The following SPTBN5 variants were observed in gnomAD, a reference collection of about 807,000 sequenced individuals.
The protein encoded by SPTBN5 is spectrin beta chain, non-erythrocytic 5.
In SPTBN5, 513 loss-of-function variants were observed where a neutral mutation model predicts 477.6. That is an observed-to-expected ratio of 1.07 (90% CI 1.00 to 1.16). SPTBN5 has a LOEUF of 1.16. SPTBN5 is among the 50% of genes most tolerant of loss of function. The pLI, the probability that SPTBN5 is intolerant of heterozygous loss-of-function variation, is 0.00. For synonymous variants in SPTBN5, 2,169 were observed against 2,011.7 expected, an observed-to-expected ratio of 1.08 and a Z score of -2.09; for missense variants, 5,062 against 4,731.8, an observed-to-expected ratio of 1.07 and a Z score of -2.05.
chr15:41,878,460 C>A lies in SPTBN5; in HGVS notation c.3352G>T (p.Ala1118Ser). The A allele has an allele frequency of 6.2e-7, 1 of 1,613,630 alleles. No homozygotes were observed. The highest frequency in any genetic ancestry group is 8.5e-7 in the Non-Finnish European group (1 of 1,179,878). Residue 1118 changes from alanine to serine, a missense_variant, in exon 17 of 68, where the codon GCA (alanine) becomes TCA (serine). By Grantham distance (99) the Ala-to-Ser change is moderately conservative (BLOSUM62 1). Coordinates refer to ENST00000320955, the MANE Select transcript of SPTBN5 (RefSeq NM_016642.4). ...CGCAGCTGAGCCTGGACACTCTCTG[C>A]CCACAGTAGCAGTTGCTGGCTCTCT... ...LQESQQLLLWAESVQAQLRSK... is the reference protein window; with the variant it reads ...LQESQQLLLWSESVQAQLRSK...
At chr15:41,864,169 C>T in intron 39 of SPTBN5, 145 bp from the exon 40 acceptor site, 2 of 685,424 alleles carry the variant, frequency 2.9e-6, no homozygotes, top group South Asian at 1.9e-5. Flanking sequence ...CTCCTGCCTC[C>T]TCTACTGCGG....
In SPTBN5 at chr15:41,858,721, G is replaced by A. The variant is rs377622495; in HGVS notation, c.8107C>T (p.Leu2703=). 1.8e-5 allele frequency: 29 copies of A among 1,609,922 alleles called. No individual in the cohort carries two copies. The highest frequency in any genetic ancestry group is 9.3e-5 in the African/African-American group (7 of 75,012). ...EVAAWLREKN[L]VALEEGLLDT... Reference sequence around the variant, plus strand: ...AGCAAACCCTCCTCCAAGGCCACCAGGTTCTTCTCCCTCAGCCACGCAGCC... The same window carrying A: ...AGCAAACCCTCCTCCAAGGCCACCAAGTTCTTCTCCCTCAGCCACGCAGCC... The change falls in exon 49 of 68, where the codon CTG becomes TTG. Residue 2703 remains leucine (L), a synonymous_variant. Transcript: ENST00000320955.
In SPTBN5 at chr15:41,851,123, G is replaced by A. The variant is rs761337099; in HGVS notation, c.10771C>T (p.Leu3591Phe). The A allele has an allele frequency of 6.8e-6, 11 of 1,613,172 alleles. No individual in the cohort carries two copies. The highest frequency in any genetic ancestry group is 9.3e-6 in the Non-Finnish European group (11 of 1,179,824). Residue 3591 changes from leucine (L) to phenylalanine (F), a missense_variant, in exon 65 of 68, where the codon CTC becomes TTC. Leu to Phe is a conservative substitution (Grantham distance 22). Transcript: ENST00000320955. Reference protein sequence around the residue: ...EKVASIALLDLTGARCERLRG... With the variant: ...EKVASIALLDFTGARCERLRG... The stretch of plus-strand genomic sequence containing the variant: ...AGCCTCTCACACCGGGCTCCCGTGA[G>A]GTCAAGGAGGGCTATGGAAGCTACT...
chr15:41,852,867 C>G lies in SPTBN5; in HGVS notation c.10304G>C (p.Trp3435Ser), dbSNP rs1470682683. The change falls in exon 60 of 68, where the codon TGG (tryptophan) becomes TCG (serine). Residue 3435 changes from tryptophan to serine, a missense_variant. Physicochemically the swap from Trp to Ser is radical, Grantham distance 177. Transcript: ENST00000320955. Reference sequence around the variant, plus strand: ...CAGGAGTCCCTCCCAGCAGGCCAGCCAGGCCTCAGCCTGCTCCAGCCTCTG... The same window carrying G: ...CAGGAGTCCCTCCCAGCAGGCCAGCGAGGCCTCAGCCTGCTCCAGCCTCTG... ...LRQRLEQAEA[W>S]LACWEGLLLK... 1.9e-6 allele frequency: 3 copies of G among 1,607,892 alleles called. No individual in the cohort carries two copies. Among genetic ancestry groups the G allele is most frequent in the Admixed American group, 3.3e-5 (2 of 59,724 alleles).
intron 39 of SPTBN5, 129 bp downstream of exon 39, chr15:41,865,679 G>A: frequency 1.2e-6 from 1 of 819,786 alleles, no homozygotes; most frequent in Non-Finnish European, 1.9e-6. Context: ...GAGGGAGCCT[G>A]CCCGAGGGCA....
At chr15:41,861,582 G>GGAA in intron 45 of SPTBN5, 86 bp from the exon 46 acceptor site, 2 of 1,546,270 alleles carry the variant, frequency 1.3e-6, no homozygotes, top group Admixed American at 3.4e-5. Context: ...CACAGGTTAG[G>GGAA]GAACCAGGGT....
rs1420276439 is a variant in SPTBN5, at chr15:41,888,014, T to A, written c.573A>T (p.Thr191=). 5 of 1,595,698 alleles carry A rather than the reference T, an allele frequency of 3.1e-6. No homozygotes were observed. Among genetic ancestry groups the A allele is most frequent in the Non-Finnish European group, 4.3e-6 (5 of 1,171,478 alleles). ...EALLVWCQRK[T]ASYTNVNITD... ...TAATGTTCACGTTGGTGTAGCTGGC[T>A]GTCTTCCGCTGGCACCAGACCAGCA... The change falls in exon 5 of 68, where the codon ACA becomes ACT. Residue 191 remains threonine (T), a synonymous_variant. Transcript: ENST00000320955.
chr15:41,860,352 G>A (rs1380475404), intron 47 of SPTBN5, among the ~76,000 whole-genome samples: 12 of 152,238 alleles, frequency 7.9e-5, no homozygotes, highest in Admixed American at 7.9e-4. Flanking sequence ...AACTCCCTTT[G>A]ATCTCAACTG....
In SPTBN5 at chr15:41,857,417, A is replaced by G. The variant is rs542596280; in HGVS notation, c.8442T>C (p.Thr2814=). Residue 2814 remains threonine, a synonymous_variant, in exon 51 of 68, where the codon ACT becomes ACC. Transcript: ENST00000320955. ...EPIEVELRAP[T]VGQALPGVGE... The stretch of plus-strand genomic sequence containing the variant: ...CCACCCCAGGCAGGGCCTGGCCCAC[A>G]GTGGGGGCTCTCAGCTCAACCTCGA... The G allele has an allele frequency of 1.9e-4, 311 of 1,600,716 alleles. No individual in the cohort carries two copies. Among genetic ancestry groups the G allele is most frequent in the Admixed American group, 2.7e-4 (16 of 58,468 alleles).
intron 24 of SPTBN5, 60 bp downstream of exon 24, chr15:41,874,232 G>A (rs1034126689): frequency 8.3e-6 from 13 of 1,557,248 alleles, no homozygotes; most frequent in Non-Finnish European, 1.1e-5. Context: ...TAGGGGCAGA[G>A]GGTTTCTAAG....
Position 41,886,322 on chromosome 15 carries a change from G to C in SPTBN5, c.933C>G (p.Tyr311Ter), listed in dbSNP as rs373127611. Residue 311 changes from tyrosine (Y) to a stop codon, truncating the protein, a stop_gained, in exon 7 of 68, where the codon TAC (tyrosine) becomes TAG (stop). Transcript: ENST00000320955. LOFTEE classifies it high-confidence loss of function. ...GTAGAAGGTCAGCCACCAGCTGCTC[G>C]TACTGGGTCTGCAGCAGCTCTGTCT... ...LQETELLQTQ[Y>*]EQLVADLLRW... 2 of 1,612,116 alleles carry C rather than the reference G, an allele frequency of 1.2e-6. No individual in the cohort carries two copies. Among genetic ancestry groups the C allele is most frequent in the Non-Finnish European group, 1.7e-6 (2 of 1,179,198 alleles).
At position 41,887,301 on chromosome 15, in the gene SPTBN5, T is replaced by A. The variant is rs1158355660; in HGVS notation, c.800A>T (p.Glu267Val). 2 of 1,551,170 alleles carry A rather than the reference T, an allele frequency of 1.3e-6. No homozygotes were observed. The highest frequency in any genetic ancestry group is 1.7e-6 in the Non-Finnish European group (2 of 1,146,992). Reference sequence around the variant, plus strand: ...GGAGACGTAGGTCATGATAGAGCGCTCATCTGGCTGTGCGGCTGCCACGTC... The same window carrying A: ...GGAGACGTAGGTCATGATAGAGCGCACATCTGGCTGTGCGGCTGCCACGTC... ...PEDVAAAQPD[E>V]RSIMTYVSLY... Residue 267 changes from glutamate to valine, a missense_variant, in exon 6 of 68, where the codon GAG becomes GTG. By Grantham distance (121) the Glu-to-Val change is moderately radical. Transcript: ENST00000320955.
chr15:41,860,679 A>G lies in SPTBN5; in HGVS notation c.7895T>C (p.Ile2632Thr), dbSNP rs2066075164. ...EWDLEVQAGK[I>T]SALEATARGL... is the part of the protein sequence containing the mutation. ...GCGGGCCGTGGCCTCCAGAGCACTGATCTTTCCCGCCTGCACCTCCAGGTC... is the reference window on the plus strand; with the variant it reads ...GCGGGCCGTGGCCTCCAGAGCACTGGTCTTTCCCGCCTGCACCTCCAGGTC... The change falls in exon 47 of 68, where the codon ATC becomes ACC. Residue 2632 changes from isoleucine (I) to threonine (T), a missense_variant. Physicochemically the swap from Ile to Thr is moderately conservative, Grantham distance 89. Coordinates refer to ENST00000320955, the MANE Select transcript of SPTBN5 (RefSeq NM_016642.4). 6.3e-7 allele frequency: 1 copy of G among 1,586,486 alleles called. No homozygotes were observed. The highest frequency in any genetic ancestry group is 1.3e-5 in the African/African-American group (1 of 74,298).
Position 41,868,227 on chromosome 15 carries a change from G to T in SPTBN5, c.6058-9C>A. On this transcript the variant is annotated splice_polypyrimidine_tract_variant and intron_variant, in intron 33 of 67. Transcript: ENST00000320955. ...CGAAGCTCTTCCTGGACCTGGGGATGGACACATGAGGAGCCTCAGCTGGGG... is the reference window on the plus strand; with the variant it reads ...CGAAGCTCTTCCTGGACCTGGGGATTGACACATGAGGAGCCTCAGCTGGGG... The T allele has an allele frequency of 6.3e-7, 1 of 1,579,900 alleles. No homozygotes were observed. The highest frequency in any genetic ancestry group is 2.3e-5 in the East Asian group (1 of 43,340).
At chr15:41,873,177 G>T (rs2066602305) in intron 26 of SPTBN5, among the ~76,000 whole-genome samples, 1 of 152,190 alleles carries the variant, frequency 6.6e-6, no homozygotes, top group Non-Finnish European at 1.5e-5. Context: ...GGCTGGGCAG[G>T]TGACCTTGAC....
At position 41,870,330 on chromosome 15, in the gene SPTBN5, G is replaced by A; in HGVS notation, c.5586C>T (p.Asn1862=). ...QVQEKATSLP[N]NVARDLCGLE... is the part of the protein sequence containing the mutation. ...GCCCACACAGGTCCCGTGCCACATT[G>A]TTGGGGAGGCTCGTGGCTTTCTCCT... Residue 1862 remains asparagine, a synonymous_variant, in exon 31 of 68, where the codon AAC becomes AAT. Coordinates refer to ENST00000320955, the MANE Select transcript of SPTBN5 (RefSeq NM_016642.4). The A allele has an allele frequency of 6.4e-7, 1 of 1,570,774 alleles. No individual in the cohort carries two copies.
intron 60 of SPTBN5, 35 bp from the exon 61 acceptor site, chr15:41,852,770 G>GGGGA: frequency 1.2e-6 from 1 of 864,736 alleles, no homozygotes; most frequent in South Asian, 2.1e-5. Flanking sequence ...CGCCCAGCTT[G>GGGGA]GGGGGGGGGG....
In SPTBN5 at chr15:41,856,603, G is replaced by T; in HGVS notation, c.8809-5C>A. ...GCTCATCTCACTCTCCAGGTTCTGC[G>T]GGGGAGGAGGCAGGAGGATGCGGAT... On this transcript the variant is annotated splice_polypyrimidine_tract_variant and splice_region_variant and intron_variant, in intron 52 of 67. Coordinates refer to ENST00000320955, the MANE Select transcript of SPTBN5 (RefSeq NM_016642.4). The T allele has an allele frequency of 1.3e-6, 2 of 1,572,444 alleles. No individual in the cohort carries two copies. The highest frequency in any genetic ancestry group is 1.7e-6 in the Non-Finnish European group (2 of 1,165,518).
In SPTBN5 at chr15:41,878,624, T is replaced by C; in HGVS notation, c.3188A>G (p.Glu1063Gly). The change falls in exon 17 of 68, where the codon GAG becomes GGG. Residue 1063 changes from glutamate (E) to glycine (G), a missense_variant. By Grantham distance (98) the Glu-to-Gly change is moderately conservative (BLOSUM62 -2). Transcript: ENST00000320955. ...HFLQSVVVKVEEPGYAESQPL... is the reference protein window; with the variant it reads ...HFLQSVVVKVGEPGYAESQPL... Reference sequence around the variant, plus strand: ...CTGGCTCTCTGCGTAGCCTGGCTCCTCGACCCTGGGAGACAGGGTGCGCTG... The same window carrying C: ...CTGGCTCTCTGCGTAGCCTGGCTCCCCGACCCTGGGAGACAGGGTGCGCTG... The C allele has an allele frequency of 6.2e-7, 1 of 1,609,904 alleles. No homozygotes were observed.
Sources: allele counts gnomAD v4.1 joint callset (sites outside exome capture counted in the v4.1 genomes callset), GRCh38; gene constraint gnomAD v4.1.1; transcripts MANE v1.5; gene names NCBI Gene and HGNC (gene_info 2026-07-23, HGNC 2026-07-21).